GFRA1: variants seen among roughly 807,000 people sequenced by gnomAD.
GFRA1 encodes the protein GDNF family receptor alpha 1.
GFRA1 carries 16 observed loss-of-function variants against 51.6 expected under a neutral mutation model. The ratio of observed to expected loss-of-function variants is 0.31; its 90% CI spans 0.21 to 0.47. The LOEUF (loss-of-function observed/expected upper bound fraction) is 0.47. Among genes scored for constraint, GFRA1 ranks in the 20% least tolerant of loss-of-function variants. GFRA1 has a pLI of 1.00. For synonymous variants in GFRA1, 270 were observed against 241.3 expected, an observed-to-expected ratio of 1.12 and a Z score of -1.10; for missense variants, 530 against 594.3, an observed-to-expected ratio of 0.89 and a Z score of 1.13.
At chr10:116,119,967 T>G (rs1461995331) in intron 6 of GFRA1, among the ~76,000 whole-genome samples, 1 of 152,240 alleles carries the variant, frequency 6.6e-6, no homozygotes, top group African/African-American at 2.4e-5. Context: ...AAATTGCATG[T>G]GCTGTTCTCC....
At position 116,271,119 on chromosome 10, in the gene GFRA1, C is replaced by A; in HGVS notation, c.41-4G>T. 6.2e-7 allele frequency: 1 copy of A among 1,600,080 alleles called. No homozygotes were observed. The highest frequency in any genetic ancestry group is 8.5e-7 in the Non-Finnish European group (1 of 1,169,764). ...ACTTCGGCCGACAGGAGCAAGTCTGCGGGGCAGAGGGGAGGGAGCCTGAGT... is the reference window on the plus strand; with the variant it reads ...ACTTCGGCCGACAGGAGCAAGTCTGAGGGGCAGAGGGGAGGGAGCCTGAGT... On this transcript the variant is annotated splice_region_variant and splice_polypyrimidine_tract_variant and intron_variant, in intron 2 of 10. Coordinates refer to ENST00000355422, the MANE Select transcript of GFRA1 (RefSeq NM_005264.8).
At chr10:116,255,521 C>A in intron 4 of GFRA1, 44 of 876,424 alleles carry the variant, frequency 5.0e-5, no homozygotes, top group East Asian at 8.6e-5. Flanking sequence ...AAAAAAAACA[C>A]TAGGTTTCCA....
intron 5 of GFRA1, among the ~76,000 whole-genome samples, chr10:116,174,035 G>A (rs1357899370): frequency 1.3e-5 from 2 of 151,858 alleles, no homozygotes; most frequent in Admixed American, 6.6e-5. Flanking sequence ...AGCCAAGATC[G>A]CACCATTGCA....
intron 4 of GFRA1, among the ~76,000 whole-genome samples, chr10:116,248,878 A>T (rs1297747768): frequency 6.6e-6 from 1 of 152,098 alleles, no homozygotes; most frequent in Non-Finnish European, 1.5e-5. Context: ...GGCTGAGAAA[A>T]CCATGCACAC....
At chr10:116,233,412 C>T (rs181436309) in intron 4 of GFRA1, among the ~76,000 whole-genome samples, 2 of 152,228 alleles carry the variant, frequency 1.3e-5, no homozygotes, top group Non-Finnish European at 2.9e-5. Context: ...TATAAGGATT[C>T]CCTGCCTTAG....
intron 5 of GFRA1, among the ~76,000 whole-genome samples, chr10:116,159,403 C>T (rs1472220967): frequency 6.6e-6 from 1 of 152,164 alleles, no homozygotes; most frequent in Non-Finnish European, 1.5e-5. Flanking sequence ...TTATCAGAGC[C>T]TTTATATGCT....
intron 5 of GFRA1, among the ~76,000 whole-genome samples, chr10:116,190,464 G>T (rs1397182402): frequency 6.6e-6 from 1 of 152,194 alleles, no homozygotes; most frequent in African/African-American, 2.4e-5. Context: ...GGGAGCCTGG[G>T]TACATGGCCT....
chr10:116,177,992 A>G (rs186143660), intron 5 of GFRA1, among the ~76,000 whole-genome samples: 3 of 152,278 alleles, frequency 2.0e-5, no homozygotes, highest in Admixed American at 2.0e-4. Flanking sequence ...GCAGAGTCCA[A>G]CAGTTACTCC....
intron 9 of GFRA1, among the ~76,000 whole-genome samples, chr10:116,085,548 A>T (rs769825816): frequency 1.3e-5 from 2 of 152,192 alleles, no homozygotes; most frequent in Non-Finnish European, 2.9e-5. Context: ...ATGATAATTC[A>T]TCTGGAGACA....
intron 4 of GFRA1, among the ~76,000 whole-genome samples, chr10:116,251,554 G>A (rs1379575584): frequency 1.3e-5 from 2 of 152,168 alleles, no homozygotes; most frequent in East Asian, 1.9e-4. Flanking sequence ...AGCAAAAAAC[G>A]TATAATGGGA....
chr10:116,147,047 A>C (rs955889721), intron 5 of GFRA1, among the ~76,000 whole-genome samples: 3 of 152,024 alleles, frequency 2.0e-5, no homozygotes, highest in African/African-American at 7.3e-5. Context: ...TGTGTGTGAG[A>C]GAGAGAGAGA....
rs1193867337 is a variant in GFRA1, at chr10:116,062,233, C to T, written c.*2165G>A. Reference sequence around the variant, plus strand: ...AGAATCAGATCCCTATGAAATTAGTCCAGTGTAGATACACAGAGATACCTT... The same window carrying T: ...AGAATCAGATCCCTATGAAATTAGTTCAGTGTAGATACACAGAGATACCTT... On this transcript the variant is annotated 3_prime_UTR_variant, in exon 11 of 11. Coordinates refer to ENST00000355422, the MANE Select transcript of GFRA1 (RefSeq NM_005264.8). The T allele has an allele frequency of 3.0e-5, 12 of 397,940 alleles. No homozygotes were observed. The highest frequency in any genetic ancestry group is 4.9e-5 in the Non-Finnish European group (11 of 225,862). 24.7% of individuals were successfully genotyped at this position (397,940 alleles called of 1,614,324 possible). A position where few individuals can be genotyped will look rare whatever the true frequency, so the allele number is the denominator to read the frequency against.
chr10:116,078,222 C>A (rs1004367038), intron 9 of GFRA1, among the ~76,000 whole-genome samples: 1 of 152,140 alleles, frequency 6.6e-6, no homozygotes, highest in Non-Finnish European at 1.5e-5. Context: ...GGGTAATACC[C>A]AATTTTGAGC....
At chr10:116,105,243 T>A (rs1170309174) in intron 6 of GFRA1, among the ~76,000 whole-genome samples, 1 of 152,178 alleles carries the variant, frequency 6.6e-6, no homozygotes, top group Non-Finnish European at 1.5e-5. Flanking sequence ...CCTTATCCAA[T>A]AAGTCTTTTA....
Position 116,124,357 on chromosome 10 carries a change from G to C in GFRA1, c.770+864C>G, listed in dbSNP as rs1471384692. 2.0e-5 allele frequency among the ~76,000 whole-genome samples: 3 copies of C among 151,718 alleles called. No homozygotes were observed. In the East Asian group the frequency reaches 5.8e-4, roughly 30 times the overall value. On this transcript the variant is annotated intron_variant, in intron 6 of 10. Transcript: ENST00000355422. ...CGATTCTCCTGTCTCAGCCTCCTAA[G>C]TAGCTGGGATTACAGGCGCCTGCCA...
intron 5 of GFRA1, among the ~76,000 whole-genome samples, chr10:116,150,578 G>A (rs969961699): frequency 2.0e-5 from 3 of 152,162 alleles, no homozygotes; most frequent in African/African-American, 4.8e-5. Context: ...TGGCTGCAGC[G>A]TTTACCCTGA....
intron 9 of GFRA1, among the ~76,000 whole-genome samples, chr10:116,084,630 C>T (rs1956005353): frequency 6.6e-6 from 1 of 152,226 alleles, no homozygotes; most frequent in Non-Finnish European, 1.5e-5. Context: ...CTCTATTTGA[C>T]CACAGAAATC....
intron 9 of GFRA1, among the ~76,000 whole-genome samples, chr10:116,082,503 G>T (rs1955895338): frequency 6.7e-6 from 1 of 148,898 alleles, no homozygotes; most frequent in African/African-American, 2.5e-5. Context: ...ACGGACTTTT[G>T]CTCTTGCTGC....
intron 5 of GFRA1, among the ~76,000 whole-genome samples, chr10:116,203,125 T>C (rs1330386977): frequency 1.3e-5 from 2 of 152,110 alleles, no homozygotes; most frequent in Admixed American, 6.6e-5. Flanking sequence ...CACTCGTCAA[T>C]GAGTGGCCAC....
Sources: allele counts gnomAD v4.1 joint callset (sites outside exome capture counted in the v4.1 genomes callset), GRCh38; gene constraint gnomAD v4.1.1; transcripts MANE v1.5; gene names NCBI Gene and HGNC (gene_info 2026-07-23, HGNC 2026-07-21).